Variants in EEF1AKMT2 observed in about 807,000 individuals in gnomAD.
EEF1AKMT2 encodes the protein eukaryotic translation elongation factor 1 alpha lysine methyltransferase 2.
A neutral mutation model predicts 35.8 loss-of-function variants in EEF1AKMT2; 32 were observed. The ratio of observed to expected loss-of-function variants is 0.89; its 90% CI spans 0.67 to 1.20. The LOEUF (loss-of-function observed/expected upper bound fraction) is 1.20. Among genes scored for constraint, EEF1AKMT2 ranks in the 50% most tolerant of loss-of-function variants. The pLI, the probability that EEF1AKMT2 is intolerant of heterozygous loss-of-function variation, is 0.00. For synonymous variants in EEF1AKMT2, 121 were observed against 133.7 expected, an observed-to-expected ratio of 0.91 and a Z score of 0.65; for missense variants, 330 against 347.5, an observed-to-expected ratio of 0.95 and a Z score of 0.40.
intron 4 of EEF1AKMT2, among the ~76,000 whole-genome samples, chr10:124,773,137 T>C (rs1051183651): frequency 8.5e-5 from 13 of 152,220 alleles, no homozygotes; most frequent in African/African-American, 2.9e-4. Context: ...TGACTCTACC[T>C]TTCAACTGAA....
intron 4 of EEF1AKMT2, chr10:124,765,891 C>T: frequency 4.0e-6 from 1 of 248,090 alleles, no homozygotes; most frequent in Admixed American, 5.1e-5. Flanking sequence ...AATACCAGCA[C>T]ATTATGGAGC....
intron 1 of EEF1AKMT2, among the ~76,000 whole-genome samples, chr10:124,790,857 C>T (rs1189097878): frequency 2.0e-5 from 3 of 152,150 alleles, no homozygotes; most frequent in Non-Finnish European, 2.9e-5. Context: ...CTCCGCCTCC[C>T]GGGTTCAAGC....
At chr10:124,774,870 G>C in intron 3 of EEF1AKMT2, 88 bp from the exon 4 acceptor site, 1 of 545,992 alleles carries the variant, frequency 1.8e-6, no homozygotes, top group Non-Finnish European at 2.9e-6. Flanking sequence ...GACTGGTGAT[G>C]TCTTATTTTT....
chr10:124,783,004 G>A (rs1950556162), intron 3 of EEF1AKMT2: 1 of 416,764 alleles, frequency 2.4e-6, no homozygotes, highest in Non-Finnish European at 4.7e-6. Flanking sequence ...TAATAATAAG[G>A]TAAGTTAAAA....
chr10:124,788,710 T>TTATATATAAATATATATATATATATA (rs1950608713), intron 3 of EEF1AKMT2, among the ~76,000 whole-genome samples: 1 of 92,506 alleles, frequency 1.1e-5, no homozygotes, highest in Non-Finnish European at 2.4e-5. Flanking sequence ...AAGGTCATCT[T>TTATATATAAATATATATATATATATA]TATATATATA....
At chr10:124,778,697 T>A (rs1401846912) in intron 3 of EEF1AKMT2, among the ~76,000 whole-genome samples, 1 of 140,332 alleles carries the variant, frequency 7.1e-6, no homozygotes, top group African/African-American at 2.6e-5. Flanking sequence ...CACTCCAGCC[T>A]GGGTGACGGC....
At position 124,789,130 on chromosome 10, in the gene EEF1AKMT2, T is replaced by C. The variant is rs759071028; in HGVS notation, c.204A>G (p.Leu68=). Residue 68 remains leucine, a synonymous_variant, in exon 3 of 7, where the codon CTA becomes CTG. Coordinates refer to ENST00000368836, the MANE Select transcript of EEF1AKMT2 (RefSeq NM_212554.4). ...IWFGEESMNR[L]IRWMQKHKIP... is the part of the protein sequence containing the mutation. ...TCTTGTGTTTCTGCATCCACCTTAT[T>C]AGTCGATTCATACTCTCTTCTCCAA... 131 of 1,613,160 alleles carry C rather than the reference T, an allele frequency of 8.1e-5. No individual in the cohort carries two copies. In the East Asian group the frequency reaches 2.7e-3, roughly 33 times the overall value.
intron 3 of EEF1AKMT2, among the ~76,000 whole-genome samples, chr10:124,788,721 T>G: frequency 7.1e-6 from 1 of 141,760 alleles, no homozygotes; most frequent in African/African-American, 2.5e-5. Context: ...TATATATATA[T>G]ATATATATGC....
chr10:124,757,112 A>G (rs1422749647), downstream of EEF1AKMT2, among the ~76,000 whole-genome samples: 5 of 151,714 alleles, frequency 3.3e-5, no homozygotes, highest in Non-Finnish European at 7.4e-5. Context: ...GGCAGCCTTC[A>G]TTCAGTGAAA....
chr10:124,765,670 T>A, intron 4 of EEF1AKMT2, 62 bp from the exon 5 acceptor site: 2 of 1,233,638 alleles, frequency 1.6e-6, no homozygotes, highest in Non-Finnish European at 1.2e-6. Flanking sequence ...AGAATGTAAG[T>A]GACAACCTGT....
intron 4 of EEF1AKMT2, among the ~76,000 whole-genome samples, chr10:124,769,248 A>ATATATATG (rs60863408): frequency 0.046 from 2,925 of 63,492 alleles, 254 homozygotes; most frequent in African/African-American, 0.13. Context: ...ATATATATAT[A>ATATATATG]TGTGTGTATA....
chr10:124,785,189 G>A (rs1480757731), intron 3 of EEF1AKMT2, among the ~76,000 whole-genome samples: 1 of 136,604 alleles, frequency 7.3e-6, no homozygotes, highest in East Asian at 2.3e-4. Flanking sequence ...AGAGGTTGCA[G>A]TGAGCCAAGA....
rs1950623619 is a variant in EEF1AKMT2, at chr10:124,790,329, A to G, written c.120T>C (p.Ala40=). 3.1e-6 allele frequency: 5 copies of G among 1,610,038 alleles called. No individual in the cohort carries two copies. The highest frequency in any genetic ancestry group is 4.3e-6 in the Non-Finnish European group (5 of 1,176,404). The stretch of plus-strand genomic sequence containing the variant: ...AAGTTTGCAGTTCTCTCTCATAGAC[A>G]GCATCCCAACTATGTAAACAATGAA... ...SALGTREHWD[A]VYERELQTFR... Residue 40 remains alanine (A), a synonymous_variant, in exon 2 of 7, where the codon GCT becomes GCC. Coordinates refer to ENST00000368836, the MANE Select transcript of EEF1AKMT2 (RefSeq NM_212554.4).
chr10:124,786,825 AAAAAG>A (rs954860853), intron 3 of EEF1AKMT2, among the ~76,000 whole-genome samples: 14 of 152,114 alleles, frequency 9.2e-5, no homozygotes, highest in African/African-American at 2.9e-4. Flanking sequence ...AAAAAGAAAG[AAAAAG>A]AAAAGAAAAT....
intron 4 of EEF1AKMT2, among the ~76,000 whole-genome samples, chr10:124,769,618 C>T (rs55681453): frequency 6.6e-6 from 1 of 152,112 alleles, no homozygotes; most frequent in African/African-American, 2.4e-5. Flanking sequence ...GTATTACAGT[C>T]TATTAAGTGT....
At chr10:124,768,068 A>G (rs1950395089) in intron 4 of EEF1AKMT2, among the ~76,000 whole-genome samples, 1 of 152,234 alleles carries the variant, frequency 6.6e-6, no homozygotes, top group African/African-American at 2.4e-5. Context: ...AATGAACCAA[A>G]CATGCTAAGA....
At chr10:124,764,550 T>A (rs1183410504) in intron 5 of EEF1AKMT2, among the ~76,000 whole-genome samples, 1 of 152,210 alleles carries the variant, frequency 6.6e-6, no homozygotes, top group Admixed American at 6.5e-5. Flanking sequence ...TACACTTTGC[T>A]AACTAGGCAA....
intron 4 of EEF1AKMT2, among the ~76,000 whole-genome samples, chr10:124,771,644 C>T (rs929071639): frequency 2.0e-5 from 3 of 151,978 alleles, no homozygotes; most frequent in African/African-American, 4.8e-5. Context: ...CCAAGGCAGG[C>T]GGATCACCAG....
chr10:124,768,385 G>A (rs1408363950), intron 4 of EEF1AKMT2, among the ~76,000 whole-genome samples: 1 of 152,124 alleles, frequency 6.6e-6, no homozygotes, highest in East Asian at 1.9e-4. Context: ...AAGGTAGGTG[G>A]ATCTCTTGAG....
Sources: gnomAD v4.1 joint callset for allele counts (sites outside exome capture counted in the v4.1 genomes callset) on GRCh38, gnomAD v4.1.1 for gene constraint, MANE v1.5 for transcripts, NCBI Gene and HGNC (gene_info 2026-07-23, HGNC 2026-07-21) for gene names.